Variants in AP3B2 observed in about 807,000 individuals in gnomAD.
The protein encoded by AP3B2 is adaptor related protein complex 3 subunit beta 2.
A neutral mutation model predicts 126.9 loss-of-function variants in AP3B2; 50 were observed. That is an observed-to-expected ratio of 0.39 (90% CI 0.31 to 0.50). The LOEUF (loss-of-function observed/expected upper bound fraction) is 0.50, where lower values mean the gene tolerates loss of function less well. Among genes scored for constraint, AP3B2 ranks in the 20% least tolerant of loss-of-function variants. AP3B2 has a pLI of 0.79. For missense variants in AP3B2, 1,177 were observed against 1,426.4 expected (o/e 0.83, Z 2.82); for synonymous variants, 541 against 565.0 (o/e 0.96, Z 0.60).
intron 14 of AP3B2, among the ~76,000 whole-genome samples, chr15:82,673,532 A>G (rs1471275508): frequency 6.6e-6 from 1 of 152,222 alleles, no homozygotes; most frequent in Non-Finnish European, 1.5e-5. Flanking sequence ...ATTCTAAGTG[A>G]AAAGTTTAAT....
chr15:82,664,344 C>T lies in AP3B2; in HGVS notation c.2261+23G>A, dbSNP rs2048013446. 1 of 1,613,510 alleles carries T rather than the reference C, an allele frequency of 6.2e-7. No individual in the cohort carries two copies. Among genetic ancestry groups the T allele is most frequent in the African/African-American group, 1.3e-5 (1 of 74,914 alleles). On this transcript the variant is annotated intron_variant, in intron 19 of 26. Coordinates refer to ENST00000535359, the MANE Select transcript of AP3B2 (RefSeq NM_001278512.2). This position sits in a 1 kb window ranked among gnomAD's most constrained non-coding sequence, Gnocchi z 4.5. The stretch of plus-strand genomic sequence containing the variant: ...GGAAAGCCCCCTGAACCCCACCAGC[C>T]ATCTGGCTAGCTCCCTTCTCACCTC...
At chr15:82,660,130 G>A (rs2047914009) in intron 25 of AP3B2, 147 bp from the exon 26 acceptor site, 1 of 1,081,232 alleles carries the variant, frequency 9.2e-7, no homozygotes, top group East Asian at 2.4e-5. Flanking sequence ...GTCTTGGGGA[G>A]AAGGTACTTC....
intron 4 of AP3B2, chr15:82,686,701 C>T (rs542128087): frequency 6.6e-6 from 1 of 151,780 alleles, no homozygotes; most frequent in Admixed American, 6.6e-5. Flanking sequence ...CAGGTGCAGT[C>T]ATAATGCAGT....
In AP3B2 at chr15:82,663,968, T is replaced by C. The variant is rs574943201; in HGVS notation, c.2269A>G (p.Ser757Gly). 6.9e-6 allele frequency: 11 copies of C among 1,603,102 alleles called. No homozygotes were observed. In the South Asian group the frequency reaches 1.1e-4, roughly 16 times the overall value. ...GTCTTCCTCTTACCATCCTCCTCAC[T>C]CTGTTCACTGAAGGAGTGGGAAAGG... is the stretch of plus-strand genomic sequence containing the variant. Reference protein sequence around the residue: ...EKGRGSESEQSEEDGKRKTKK... With the variant: ...EKGRGSESEQGEEDGKRKTKK... Residue 757 changes from serine to glycine, a missense_variant, in exon 20 of 27, where the codon AGT becomes GGT. This residue lies in a region of AP3B2 where 587 missense variants were observed against 571.3 expected (regional missense o/e 1.03). Coordinates refer to ENST00000535359, the MANE Select transcript of AP3B2 (RefSeq NM_001278512.2).
chr15:82,699,847 G>GC, intron 1 of AP3B2: 1 of 399,776 alleles, frequency 2.5e-6, no homozygotes, highest in Non-Finnish European at 4.4e-6. Flanking sequence ...CCTCACCACG[G>GC]CCCCCGGGAG....
chr15:82,700,470 C>CT (rs1325857964), intron 1 of AP3B2, among the ~76,000 whole-genome samples: 1 of 135,406 alleles, frequency 7.4e-6, no homozygotes, highest in Admixed American at 8.4e-5. Flanking sequence ...GTGATCTCGG[C>CT]TCACTGCAAC....
At position 82,664,901 on chromosome 15, in the gene AP3B2, C is replaced by T; in HGVS notation, c.2071G>A (p.Glu691Lys). The stretch of plus-strand genomic sequence containing the variant: ...TCCGAGTAGAAGGGTTTTTCCTTCT[C>T]CTTTCTCTTCTCCCGATTTGAGCAC... The part of the protein sequence containing the change: ...TKCSNREKRK[E>K]KEKPFYSDSE... The change falls in exon 18 of 27, where the codon GAG becomes AAG. Residue 691 changes from glutamate to lysine, a missense_variant. Glu to Lys is a moderately conservative substitution (Grantham distance 56). Transcript: ENST00000535359. The surrounding 1 kb of genome is among the most constrained non-coding windows in gnomAD (Gnocchi z 4.5). 6.2e-7 allele frequency: 1 copy of T among 1,608,648 alleles called. No individual in the cohort carries two copies. The highest frequency in any genetic ancestry group is 8.5e-7 in the Non-Finnish European group (1 of 1,177,652).
rs1447155439 is a variant in AP3B2, at chr15:82,709,596, C to T, written c.111G>A (p.Lys37=). ...ASGGIFSSDY[K]RHDDLKEMLD... ...AGCTTCCTGGCGGGCTCCCTCACCGCTTGTAGTCGGAGGAGAAGATGCCGC... is the reference window on the plus strand; with the variant it reads ...AGCTTCCTGGCGGGCTCCCTCACCGTTTGTAGTCGGAGGAGAAGATGCCGC... The change falls in exon 1 of 27, where the codon AAG becomes AAA. Residue 37 remains lysine (K), a splice_region_variant and synonymous_variant. Coordinates refer to ENST00000535359, the MANE Select transcript of AP3B2 (RefSeq NM_001278512.2). 2 of 1,503,430 alleles carry T rather than the reference C, an allele frequency of 1.3e-6. No homozygotes were observed. Among genetic ancestry groups the T allele is most frequent in the Admixed American group, 2.1e-5 (1 of 46,592 alleles). The allele number at this position is 1,503,430 out of a possible 1,614,324, so 93.1% of individuals were successfully genotyped here.
chr15:82,709,230 T>TC (rs1481541670), intron 1 of AP3B2, among the ~76,000 whole-genome samples: 1 of 151,622 alleles, frequency 6.6e-6, no homozygotes, highest in Non-Finnish European at 1.5e-5. Context: ...CTCAGACCCC[T>TC]CCCCCACATT....
At position 82,665,034 on chromosome 15, in the gene AP3B2, G is replaced by A; in HGVS notation, c.2029-91C>T. 1 of 1,126,734 alleles carries A rather than the reference G, an allele frequency of 8.9e-7. No homozygotes were observed. Among genetic ancestry groups the A allele is most frequent in the African/African-American group, 1.5e-5 (1 of 64,768 alleles). The allele number at this position is 1,126,734 out of a possible 1,614,324, so 69.8% of individuals were successfully genotyped here. ...CCCTTACCCTTTATTCCACCTCTTT[G>A]TGAGGCCCTACCTGGTCTGTCCCAC... On this transcript the variant is annotated intron_variant, in intron 17 of 26. Transcript: ENST00000535359. The surrounding 1 kb of genome is among the most constrained non-coding windows in gnomAD (Gnocchi z 4.4).
intron 4 of AP3B2, among the ~76,000 whole-genome samples, chr15:82,682,670 A>G (rs933646443): frequency 7.3e-5 from 11 of 151,592 alleles, no homozygotes; most frequent in African/African-American, 2.7e-4. Context: ...TGAGCTACAT[A>G]TGTTCATGCC....
chr15:82,691,594 T>A, intron 1 of AP3B2: 1 of 707,258 alleles, frequency 1.4e-6, no homozygotes, highest in Non-Finnish European at 2.0e-6. Context: ...GTAGTTTTTT[T>A]TTCTTCTTTA....
intron 14 of AP3B2, 27 bp downstream of exon 14, chr15:82,676,434 T>C (rs1185171097): frequency 1.2e-6 from 2 of 1,610,054 alleles, no homozygotes; most frequent in Admixed American, 1.7e-5. Context: ...GACCAGAGTA[T>C]CTGGGGGGTC....
At chr15:82,684,007 CTGT>C (rs1386137768) in intron 4 of AP3B2, among the ~76,000 whole-genome samples, 12 of 152,212 alleles carry the variant, frequency 7.9e-5, no homozygotes, top group Non-Finnish European at 1.8e-4. Flanking sequence ...TGTCATGGCA[CTGT>C]TGTTCCATTT....
intron 2 of AP3B2, 21 bp from the exon 3 acceptor site, chr15:82,689,253 A>AG (rs2048482831): frequency 6.2e-7 from 1 of 1,613,810 alleles, no homozygotes; most frequent in Non-Finnish European, 8.5e-7. Flanking sequence ...GGGTCAAGGT[A>AG]GGGGAAGAGG....
chr15:82,685,987 G>A (rs1307430115), intron 4 of AP3B2: 3 of 152,164 alleles, frequency 2.0e-5, no homozygotes, highest in Non-Finnish European at 4.4e-5. Context: ...GGTCTACAAC[G>A]TGGTGAAATA....
intron 3 of AP3B2, 65 bp downstream of exon 3, chr15:82,689,093 C>G: frequency 1.9e-6 from 3 of 1,578,306 alleles, no homozygotes; most frequent in Non-Finnish European, 2.6e-6. Flanking sequence ...TCCTTCCTCA[C>G]CCCAAGCTTG....
chr15:82,706,824 A>G (rs1041685997), intron 1 of AP3B2, among the ~76,000 whole-genome samples: 1 of 152,104 alleles, frequency 6.6e-6, no homozygotes, highest in Non-Finnish European at 1.5e-5. Flanking sequence ...ATCTATCCTC[A>G]AGGAAATCAC....
intron 20 of AP3B2, 40 bp from the exon 21 acceptor site, chr15:82,663,660 G>A (rs2047997184): frequency 1.2e-6 from 2 of 1,613,322 alleles, no homozygotes; most frequent in Non-Finnish European, 1.7e-6. Context: ...GGGAAGGGGA[G>A]CACCTTGGCA....
Sources: gnomAD v4.1 joint callset for allele counts (sites outside exome capture counted in the v4.1 genomes callset) on GRCh38, gnomAD v4.1.1 for gene constraint, gnomAD v4.1.1 regional missense constraint, Gnocchi (gnomAD v3.1) non-coding constraint, MANE v1.5 for transcripts, NCBI Gene and HGNC (gene_info 2026-07-23, HGNC 2026-07-21) for gene names.